SPAG16: variants seen among roughly 807,000 people sequenced by gnomAD.
The protein encoded by SPAG16 is sperm-associated antigen 16 protein.
A neutral mutation model predicts 80.4 loss-of-function variants in SPAG16; 86 were observed. That is an observed-to-expected ratio of 1.07 (90% CI 0.90 to 1.28). The LOEUF is 1.28. Ranked by LOEUF, SPAG16 falls within the 50% of genes most tolerant of loss-of-function variation. The pLI, the probability that SPAG16 is intolerant of heterozygous loss-of-function variation, is 0.00. For missense variants in SPAG16, 870 were observed against 765.3 expected (o/e 1.14, Z -1.61); for synonymous variants, 294 against 265.9 (o/e 1.11, Z -1.03).
chr2:214,310,871 T>C (rs1421200372), intron 15 of SPAG16, among the ~76,000 whole-genome samples: 1 of 152,156 alleles, frequency 6.6e-6, no homozygotes, highest in Non-Finnish European at 1.5e-5. Flanking sequence ...CTGCAGTTAG[T>C]TGGTTTACAC....
chr2:213,677,976 G>A lies in SPAG16; in HGVS notation c.1071-184509G>A, dbSNP rs374997549. ...AGGATTAAGAAACTCACTCAAAACC[G>A]CTCAACTACATGGAAACTGAACAAC... On this transcript the variant is annotated intron_variant, in intron 10 of 15. Coordinates refer to ENST00000331683, the MANE Select transcript of SPAG16 (RefSeq NM_024532.5). Among the ~76,000 whole-genome samples, 100 of 151,454 alleles carry A rather than the reference G, an allele frequency of 6.6e-4. 1 individual carries two copies. In the East Asian group the frequency reaches 0.018, roughly 28 times the overall value.
At chr2:213,948,601 CTA>C (rs1341565897) in intron 12 of SPAG16, among the ~76,000 whole-genome samples, 1 of 152,080 alleles carries the variant, frequency 6.6e-6, no homozygotes, top group East Asian at 1.9e-4. Flanking sequence ...ATAATTTGTT[CTA>C]TGTCATTAAG....
intron 11 of SPAG16, among the ~76,000 whole-genome samples, chr2:213,902,583 C>T (rs1245205104): frequency 6.6e-6 from 1 of 152,204 alleles, no homozygotes; most frequent in Non-Finnish European, 1.5e-5. Flanking sequence ...TCTCCTAGAA[C>T]ATGTGGGAAT....
At chr2:213,883,031 A>G (rs2076410002) in intron 11 of SPAG16, among the ~76,000 whole-genome samples, 1 of 151,988 alleles carries the variant, frequency 6.6e-6, no homozygotes, top group South Asian at 2.1e-4. Flanking sequence ...ACACCCGGCT[A>G]ATTTTTTTGT....
chr2:214,101,216 G>A (rs1203549303), intron 13 of SPAG16, among the ~76,000 whole-genome samples: 4 of 151,958 alleles, frequency 2.6e-5, no homozygotes, highest in Non-Finnish European at 5.9e-5. Context: ...GAGGGAACAA[G>A]CTTAATCTTT....
chr2:213,449,532 G>A (rs865988922), intron 9 of SPAG16, among the ~76,000 whole-genome samples: 35 of 152,110 alleles, frequency 2.3e-4, no homozygotes, highest in South Asian at 1.0e-3. Context: ...GTCACCCCTC[G>A]CGGCCCAGAT....
At chr2:213,904,496 T>C (rs1049243394) in intron 11 of SPAG16, among the ~76,000 whole-genome samples, 1 of 151,286 alleles carries the variant, frequency 6.6e-6, no homozygotes, top group African/African-American at 2.4e-5. Context: ...TATCTCCCAC[T>C]TGGTCCCTCC....
chr2:214,353,855 A>G (rs180815879), intron 15 of SPAG16, among the ~76,000 whole-genome samples: 2 of 152,268 alleles, frequency 1.3e-5, no homozygotes, highest in South Asian at 2.1e-4. Context: ...TTGTGGTTCA[A>G]GTATGGTAGC....
rs1381468978 is a variant in SPAG16 at position 213,292,687 on chromosome 2, A to ACAACAAC, written c.137-3377_137-3376insCAACAAC. ...TCAAAAAAAAAAAACAAAAAAAACAAAAAAAAACAAAACTATCAGAAAGAT... is the reference window on the plus strand; with the variant it reads ...TCAAAAAAAAAAAACAAAAAAAACAACAACAACAAAAAAACAAAACTATCAGAAAGAT... On this transcript the variant is annotated intron_variant, in intron 1 of 15. Coordinates refer to ENST00000331683, the MANE Select transcript of SPAG16 (RefSeq NM_024532.5). Among the ~76,000 whole-genome samples the ACAACAAC allele has an allele frequency of 5.9e-4, 81 of 137,428 alleles. 1 individual carries two copies. Among genetic ancestry groups the ACAACAAC allele is most frequent in the Non-Finnish European group, 1.2e-3 (73 of 62,146 alleles). 90.2% of individuals were successfully genotyped at this position (137,428 alleles called of 152,430 possible).
chr2:213,914,967 A>C (rs887933183), intron 11 of SPAG16, among the ~76,000 whole-genome samples: 27 of 152,302 alleles, frequency 1.8e-4, no homozygotes, highest in Non-Finnish European at 5.9e-5. Context: ...TGATAAAGAA[A>C]TACCCGAGAC....
intron 7 of SPAG16, among the ~76,000 whole-genome samples, chr2:213,361,746 G>T (rs1421863364): frequency 3.3e-5 from 5 of 150,662 alleles, no homozygotes; most frequent in African/African-American, 9.8e-5. Context: ...AGAGGTTGGT[G>T]GATCCCCAAC....
chr2:213,943,397 G>A (rs1021133018), intron 12 of SPAG16, among the ~76,000 whole-genome samples: 2 of 152,224 alleles, frequency 1.3e-5, no homozygotes, highest in Admixed American at 1.3e-4. Context: ...TTTCTTATTA[G>A]AGAATATATA....
At chr2:213,288,393 C>G (rs938544223) in intron 1 of SPAG16, among the ~76,000 whole-genome samples, 6 of 152,196 alleles carry the variant, frequency 3.9e-5, no homozygotes, top group African/African-American at 1.4e-4. Context: ...CAAGCTCTGC[C>G]TCCCGGATTC....
chr2:213,837,678 G>T (rs75123134), intron 10 of SPAG16, among the ~76,000 whole-genome samples: 1 of 152,108 alleles, frequency 6.6e-6, no homozygotes, highest in Non-Finnish European at 1.5e-5. Context: ...CCCAAAACCC[G>T]GAATCCATAA....
chr2:213,447,809 T>A lies in SPAG16; in HGVS notation c.943-42154T>A, dbSNP rs560200602. Among the ~76,000 whole-genome samples, 226 of 152,344 alleles carry A rather than the reference T, an allele frequency of 1.5e-3. 4 individuals carry two copies. Among genetic ancestry groups the A allele is most frequent in the Non-Finnish European group, 6.5e-4 (44 of 68,028 alleles). On this transcript the variant is annotated intron_variant, in intron 9 of 15. Transcript: ENST00000331683. ...ATTTATACACTTGTGTTAACTCCTG[T>A]TTTGCTTCAGGAAAAGTATAATGTT...
chr2:213,356,156 T>G (rs2065637742), intron 7 of SPAG16, among the ~76,000 whole-genome samples: 1 of 152,200 alleles, frequency 6.6e-6, no homozygotes, highest in African/African-American at 2.4e-5. Flanking sequence ...TTTGCCAGTA[T>G]TTTAATGAGG....
At chr2:214,230,522 G>A (rs948682348) in intron 15 of SPAG16, among the ~76,000 whole-genome samples, 1 of 151,900 alleles carries the variant, frequency 6.6e-6, no homozygotes. Context: ...TTTAATCTCA[G>A]GAAGAAATAT....
At chr2:214,217,756 AG>A (rs1214442295) in intron 15 of SPAG16, among the ~76,000 whole-genome samples, 2 of 152,220 alleles carry the variant, frequency 1.3e-5, no homozygotes, top group African/African-American at 2.4e-5. Context: ...CTTTATAAGA[AG>A]GCTAGTAGAA....
chr2:213,582,748 G>A (rs2060338895), intron 10 of SPAG16, among the ~76,000 whole-genome samples: 1 of 152,084 alleles, frequency 6.6e-6, no homozygotes, highest in African/African-American at 2.4e-5. Flanking sequence ...AGGAACTTAG[G>A]TTACTGTCTT....
Sources: allele counts gnomAD v4.1 joint callset (sites outside exome capture counted in the v4.1 genomes callset), GRCh38; gene constraint gnomAD v4.1.1; transcripts MANE v1.5; gene names NCBI Gene and HGNC (gene_info 2026-07-23, HGNC 2026-07-21).